EPHB2: variants seen among roughly 807,000 people sequenced by gnomAD.
EPHB2 encodes EPH receptor B2.
In EPHB2, 18 loss-of-function variants were observed where a neutral mutation model predicts 96.4. The ratio of observed to expected loss-of-function variants is 0.19; its 90% confidence interval spans 0.13 to 0.28. The LOEUF (loss-of-function observed/expected upper bound fraction) is 0.28, where lower values mean the gene tolerates loss of function less well. Among genes scored for constraint, EPHB2 ranks in the 10% least tolerant of loss-of-function variants. EPHB2 has a pLI of 1.00. For missense variants in EPHB2, 989 were observed against 1,355.4 expected, an observed-to-expected ratio of 0.73 and a Z score of 4.25; for synonymous variants, 506 against 534.1, an observed-to-expected ratio of 0.95 and a Z score of 0.72.
At chr1:22,837,811 G>A (rs1645406137) in intron 3 of EPHB2, among the ~76,000 whole-genome samples, 1 of 152,154 alleles carries the variant, frequency 6.6e-6, no homozygotes, top group Admixed American at 6.5e-5. Context: ...GCTGGCTCTT[G>A]TTTACCCAGC....
chr1:22,831,312 A>G (rs1645300148), intron 3 of EPHB2, among the ~76,000 whole-genome samples: 1 of 152,150 alleles, frequency 6.6e-6, no homozygotes, highest in African/African-American at 2.4e-5. Flanking sequence ...CACCAGATAC[A>G]AACCCAGAAC....
chr1:22,859,922 C>T (rs1645766499), intron 3 of EPHB2, among the ~76,000 whole-genome samples: 1 of 152,196 alleles, frequency 6.6e-6, no homozygotes, highest in Admixed American at 6.5e-5. Context: ...ATTAGCACCT[C>T]CTCCCCCTGC....
At chr1:22,734,238 A>AC (rs374005699) in intron 1 of EPHB2, among the ~76,000 whole-genome samples, 149 of 151,302 alleles carry the variant, frequency 9.8e-4, no homozygotes, top group African/African-American at 3.5e-3. Flanking sequence ...GATAAATCTT[A>AC]CCCCCCGGCA....
At position 22,895,569 on chromosome 1, in the gene EPHB2, C is replaced by A. The variant is rs35847739; in HGVS notation, c.1689C>A (p.Ile563=). The change falls in exon 8 of 16, where the codon ATC becomes ATA. Residue 563 remains isoleucine, a synonymous_variant. Transcript: ENST00000374630. The part of the protein sequence containing the change: ...VFLIAVVVIA[I]VCNRRGFERA... ...TCATTGCTGTGGTTGTCATCGCCAT[C>A]GTGTGTAACAGGTGGGTGGGGTCTC... 2.9e-4 allele frequency: 468 copies of A among 1,614,240 alleles called. 1 individual carries two copies. In the African/African-American group the frequency reaches 5.4e-3, roughly 19 times the overall value.
At chr1:22,856,158 G>T (rs535549134) in intron 3 of EPHB2, among the ~76,000 whole-genome samples, 1 of 152,136 alleles carries the variant, frequency 6.6e-6, no homozygotes, top group East Asian at 1.9e-4. Flanking sequence ...TGGGAGGAGA[G>T]GGGGGAGCAG....
chr1:22,755,542 C>T (rs1644135883), intron 1 of EPHB2, among the ~76,000 whole-genome samples: 1 of 152,102 alleles, frequency 6.6e-6, no homozygotes, highest in South Asian at 2.1e-4. Flanking sequence ...TGATAGTAGA[C>T]AAATGGTGAG....
chr1:22,781,213 G>A (rs563619228), intron 1 of EPHB2, among the ~76,000 whole-genome samples: 109 of 151,864 alleles, frequency 7.2e-4, no homozygotes, highest in African/African-American at 2.4e-3. Flanking sequence ...CCAGCTACTC[G>A]GGAGGCTGAG....
At chr1:22,880,149 G>A (rs940710842) in intron 5 of EPHB2, among the ~76,000 whole-genome samples, 1 of 152,162 alleles carries the variant, frequency 6.6e-6, no homozygotes, top group Non-Finnish European at 1.5e-5. Flanking sequence ...CCAGGAGGAA[G>A]CCAGGTCCAG....
chr1:22,808,617 G>GAT (rs774334540), intron 3 of EPHB2, among the ~76,000 whole-genome samples: 97 of 152,326 alleles, frequency 6.4e-4, no homozygotes, highest in Non-Finnish European at 1.3e-3. Context: ...TCTGAATGGG[G>GAT]AGGAAGAGAT....
chr1:22,749,089 C>T (rs1398546295), intron 1 of EPHB2, among the ~76,000 whole-genome samples: 1 of 150,780 alleles, frequency 6.6e-6, no homozygotes, highest in East Asian at 2.0e-4. Context: ...GGTGGGATCT[C>T]GCCTCACTGC....
At chr1:22,757,988 G>A (rs1488220027) in intron 1 of EPHB2, among the ~76,000 whole-genome samples, 1 of 133,374 alleles carries the variant, frequency 7.5e-6, no homozygotes, top group Admixed American at 8.9e-5. Context: ...GCGCGATCTC[G>A]GCTCACTGCA....
At chr1:22,752,905 T>C (rs1210662570) in intron 1 of EPHB2, among the ~76,000 whole-genome samples, 1 of 151,906 alleles carries the variant, frequency 6.6e-6, no homozygotes, top group East Asian at 1.9e-4. Flanking sequence ...TGCCTCAGCC[T>C]CCTGATTAGC....
chr1:22,863,361 C>A, intron 4 of EPHB2, 169 bp downstream of exon 4: 2 of 1,040,028 alleles, frequency 1.9e-6, no homozygotes, highest in Non-Finnish European at 2.8e-6. Flanking sequence ...GCCATGCTCC[C>A]ACCTTGCAGA....
chr1:22,881,879 C>T (rs933655266), intron 5 of EPHB2, among the ~76,000 whole-genome samples: 6 of 152,286 alleles, frequency 3.9e-5, no homozygotes, highest in South Asian at 2.1e-4. Flanking sequence ...AGATGTGAGC[C>T]GCTGCACCCA....
At chr1:22,891,950 A>G (rs1639403806) in intron 6 of EPHB2, among the ~76,000 whole-genome samples, 1 of 150,732 alleles carries the variant, frequency 6.6e-6, no homozygotes, top group Non-Finnish European at 1.5e-5. Context: ...ATGTATCTCC[A>G]TGCCCAGCTA....
At chr1:22,866,595 A>G (rs1638486892) in intron 5 of EPHB2, among the ~76,000 whole-genome samples, 1 of 152,024 alleles carries the variant, frequency 6.6e-6, no homozygotes, top group African/African-American at 2.4e-5. Context: ...ATAGAAAAAA[A>G]TGGAATTCAG....
intron 3 of EPHB2, among the ~76,000 whole-genome samples, chr1:22,823,728 A>G (rs962037727): frequency 2.0e-5 from 3 of 152,262 alleles, no homozygotes; most frequent in African/African-American, 7.2e-5. Context: ...TCTCATCTAT[A>G]AAATGGGAAC....
intron 3 of EPHB2, among the ~76,000 whole-genome samples, chr1:22,787,687 G>C (rs1456465678): frequency 1.3e-5 from 2 of 152,132 alleles, no homozygotes; most frequent in African/African-American, 4.8e-5. Context: ...AGGCTGTAGT[G>C]GGCTATGATT....
chr1:22,765,559 A>AAC (rs1436944200), intron 1 of EPHB2, among the ~76,000 whole-genome samples: 3 of 150,982 alleles, frequency 2.0e-5, no homozygotes, highest in East Asian at 2.0e-4. Flanking sequence ...AAAAAAAAAA[A>AAC]AAAACATTGA....
Sources: gnomAD v4.1 joint callset for allele counts (sites outside exome capture counted in the v4.1 genomes callset) on GRCh38, gnomAD v4.1.1 for gene constraint, MANE v1.5 for transcripts, NCBI Gene and HGNC (gene_info 2026-07-23, HGNC 2026-07-21) for gene names.